DPP10: variants seen among roughly 807,000 people sequenced by gnomAD.
DPP10 encodes the protein inactive dipeptidyl peptidase 10.
In DPP10, 33 loss-of-function variants were observed where a neutral mutation model predicts 120.9. That is an observed-to-expected ratio of 0.27 (90% CI 0.21 to 0.37). The LOEUF is 0.37. Ranked by LOEUF, DPP10 falls within the 10% of genes least tolerant of loss-of-function variation. The probability of loss-of-function intolerance (pLI) is 1.00; values close to 1 mark genes in which losing one functional copy is unlikely to be tolerated. For missense variants in DPP10, 816 were observed against 942.8 expected (o/e 0.87, Z 1.76); for synonymous variants, 337 against 326.1 (o/e 1.03, Z -0.36).
At chr2:115,311,095 A>G (rs1026862535) in intron 2 of DPP10, among the ~76,000 whole-genome samples, 4 of 152,204 alleles carry the variant, frequency 2.6e-5, no homozygotes, top group African/African-American at 9.6e-5. Context: ...ACCATAATTG[A>G]GTTCATTTTG....
At chr2:114,921,651 T>C (rs1002229916) in intron 1 of DPP10, among the ~76,000 whole-genome samples, 5 of 152,248 alleles carry the variant, frequency 3.3e-5, no homozygotes, top group Non-Finnish European at 7.3e-5. Context: ...CTAAATGAAA[T>C]GCTACTTATG....
chr2:115,026,754 C>T (rs1703490475), intron 1 of DPP10, among the ~76,000 whole-genome samples: 2 of 152,130 alleles, frequency 1.3e-5, no homozygotes, highest in South Asian at 4.1e-4. Flanking sequence ...CCAGGCTGCT[C>T]TCAAACTCCT....
chr2:115,575,791 A>T (rs993327979), intron 5 of DPP10, among the ~76,000 whole-genome samples: 11 of 152,220 alleles, frequency 7.2e-5, no homozygotes, highest in Non-Finnish European at 1.3e-4. Context: ...ATGTAATCAT[A>T]TGGACCCTTA....
intron 1 of DPP10, among the ~76,000 whole-genome samples, chr2:114,502,040 G>T (rs1206312403): frequency 6.7e-6 from 1 of 149,532 alleles, no homozygotes; most frequent in East Asian, 2.0e-4. Context: ...GGTTCAAGTG[G>T]TTCTCCTGCT....
chr2:114,604,235 C>T (rs1278458840), intron 1 of DPP10, among the ~76,000 whole-genome samples: 1 of 152,020 alleles, frequency 6.6e-6, no homozygotes, highest in Non-Finnish European at 1.5e-5. Context: ...GCACGAGGAG[C>T]CATTCTTATC....
chr2:114,804,662 G>T (rs1264353358), intron 1 of DPP10, among the ~76,000 whole-genome samples: 2 of 152,102 alleles, frequency 1.3e-5, no homozygotes, highest in Non-Finnish European at 2.9e-5. Context: ...CCTTTATTTT[G>T]GAGAATTTCT....
At position 115,248,907 on chromosome 2, in the gene DPP10, T is replaced by C. The variant is rs192034169; in HGVS notation, c.61-60332T>C. Among the ~76,000 whole-genome samples, 164 of 152,246 alleles carry C rather than the reference T, an allele frequency of 1.1e-3. No homozygotes were observed. In the Middle Eastern group the frequency reaches 0.014, roughly 13 times the overall value. The stretch of plus-strand genomic sequence containing the variant: ...AAAATCACGATAGTATTGAGGATAC[T>C]TTCAAAGTAAGTGGCTAAGGAAAAT... On this transcript the variant is annotated intron_variant, in intron 1 of 25. Transcript: ENST00000410059.
chr2:115,510,233 C>T (rs2077154579), intron 4 of DPP10, among the ~76,000 whole-genome samples: 1 of 152,022 alleles, frequency 6.6e-6, no homozygotes, highest in South Asian at 2.1e-4. Context: ...GTTTTCTATA[C>T]ATTGTTAATT....
intron 1 of DPP10, among the ~76,000 whole-genome samples, chr2:114,834,547 A>G (rs558269654): frequency 6.6e-6 from 1 of 150,734 alleles, no homozygotes; most frequent in South Asian, 2.1e-4. Flanking sequence ...TGTATATATA[A>G]GCCATATCTA....
At chr2:114,847,780 T>G (rs186424933) in intron 1 of DPP10, among the ~76,000 whole-genome samples, 2 of 152,278 alleles carry the variant, frequency 1.3e-5, no homozygotes, top group East Asian at 3.9e-4. Context: ...TGTAAAGGCA[T>G]TAGTTTCAAT....
At chr2:114,482,350 A>G (rs1681136026) in intron 1 of DPP10, among the ~76,000 whole-genome samples, 2 of 152,182 alleles carry the variant, frequency 1.3e-5, no homozygotes, top group African/African-American at 4.8e-5. Context: ...CCTATTTATT[A>G]AAACATCATA....
In DPP10 at chr2:115,813,190, C is replaced by G. The variant is rs1024475880; in HGVS notation, c.1701-1603C>G. Among the ~76,000 whole-genome samples, 9 of 146,520 alleles carry G rather than the reference C, an allele frequency of 6.1e-5. 1 individual carries two copies. The highest frequency in any genetic ancestry group is 8.8e-5 in the Non-Finnish European group (6 of 67,944). ...TAGAGACGGGGTTTCACCTTGTTAG[C>G]CAGGATGGTCTCGATCTCCTGACCT... On this transcript the variant is annotated intron_variant, in intron 19 of 25. Transcript: ENST00000410059.
intron 7 of DPP10, among the ~76,000 whole-genome samples, chr2:115,696,973 C>T (rs180708166): frequency 3.9e-5 from 6 of 152,044 alleles, no homozygotes; most frequent in African/African-American, 7.2e-5. Flanking sequence ...GAATGAGCAA[C>T]GTTTTTGAAT....
intron 4 of DPP10, among the ~76,000 whole-genome samples, chr2:115,518,991 G>A (rs2148869902): frequency 6.6e-6 from 1 of 152,134 alleles, no homozygotes; most frequent in Non-Finnish European, 1.5e-5. Flanking sequence ...AGCACAAACT[G>A]AACTTCACAT....
At chr2:115,618,790 A>C (rs2084718508) in intron 5 of DPP10, among the ~76,000 whole-genome samples, 1 of 152,122 alleles carries the variant, frequency 6.6e-6, no homozygotes. Context: ...TGCTGGCCCT[A>C]AATTCCGTGC....
intron 1 of DPP10, among the ~76,000 whole-genome samples, chr2:114,538,118 G>A (rs1484529699): frequency 6.6e-6 from 1 of 152,228 alleles, no homozygotes; most frequent in African/African-American, 2.4e-5. Flanking sequence ...GATTTGTTCA[G>A]TGGCCTTGAA....
chr2:114,542,499 G>C (rs1194393823), intron 1 of DPP10, among the ~76,000 whole-genome samples: 1 of 152,128 alleles, frequency 6.6e-6, no homozygotes, highest in African/African-American at 2.4e-5. Context: ...ACACATCAAG[G>C]CTTTTGGATT....
chr2:114,687,802 C>T (rs78995214), intron 1 of DPP10, among the ~76,000 whole-genome samples: 13 of 152,088 alleles, frequency 8.5e-5, no homozygotes, highest in African/African-American at 1.2e-4. Flanking sequence ...GTCGTTTTCA[C>T]GGCATAGACT....
At chr2:115,162,076 A>C (rs2052421147) in intron 1 of DPP10, 1 of 1,479,046 alleles carries the variant, frequency 6.8e-7, no homozygotes, top group Non-Finnish European at 9.0e-7. Flanking sequence ...GGGTGGCTCC[A>C]GTGCGCGCTC....
Sources: allele counts gnomAD v4.1 joint callset (sites outside exome capture counted in the v4.1 genomes callset), GRCh38; gene constraint gnomAD v4.1.1; transcripts MANE v1.5; gene names NCBI Gene and HGNC (gene_info 2026-07-23, HGNC 2026-07-21).